The following GRIA3 variants were observed in gnomAD, a reference collection of about 807,000 sequenced individuals.
GRIA3 encodes the protein glutamate ionotropic receptor AMPA type subunit 3, also known as glutamate receptor 3.
A neutral mutation model predicts 63.0 loss-of-function variants in GRIA3; 3 were observed. That is an observed-to-expected ratio of 0.05 (90% CI 0.02 to 0.12). The LOEUF (loss-of-function observed/expected upper bound fraction) is 0.12. GRIA3 is among the 10% of genes least tolerant of loss of function. The probability of loss-of-function intolerance (pLI) is 1.00; values close to 1 mark genes in which losing one functional copy is unlikely to be tolerated. For synonymous variants in GRIA3, 274 were observed against 257.9 expected, an observed-to-expected ratio of 1.06 and a Z score of -0.60; for missense variants, 347 against 700.9, an observed-to-expected ratio of 0.50 and a Z score of 5.70.
At chrX:123,364,138 T>C (rs1377107663) in intron 5 of GRIA3, among the ~76,000 whole-genome samples, 1 of 112,465 alleles carries the variant, frequency 8.9e-6, no homozygotes, top group Non-Finnish European at 1.9e-5. Flanking sequence ...CAAAAATCAT[T>C]GAATTTGTAA....
At chrX:123,344,787 T>A (rs2045032975) in intron 4 of GRIA3, among the ~76,000 whole-genome samples, 1 of 111,716 alleles carries the variant, frequency 9.0e-6, no homozygotes, top group South Asian at 3.8e-4. Flanking sequence ...AGGGACCACC[T>A]CATAGACTCA....
chrX:123,448,876 C>T (rs1159187447), intron 12 of GRIA3, among the ~76,000 whole-genome samples: 1 of 112,015 alleles, frequency 8.9e-6, no homozygotes. Context: ...AAACTAAGTG[C>T]TTACTATGTT....
At chrX:123,373,850 T>C (rs2045266155) in intron 5 of GRIA3, among the ~76,000 whole-genome samples, 1 of 111,880 alleles carries the variant, frequency 8.9e-6, no homozygotes, top group East Asian at 2.8e-4. Context: ...GCAGAAACTC[T>C]TTAGTTTAAT....
At chrX:123,473,481 G>C (rs757005211) in intron 13 of GRIA3, among the ~76,000 whole-genome samples, 15 of 112,024 alleles carry the variant, frequency 1.3e-4, no homozygotes, top group Non-Finnish European at 2.6e-4. Flanking sequence ...CTGCCTGCCT[G>C]TACATGCCTG....
rs1449869625 is a variant in GRIA3 at position 123,490,132 on chromosome X, C to T, written c.*1422C>T. Reference sequence around the variant, plus strand: ...ATGCTTCCTGTAGTTCAGTAGTTTGCTCTCATCGATAACGTGCATTGGGAA... The same window carrying T: ...ATGCTTCCTGTAGTTCAGTAGTTTGTTCTCATCGATAACGTGCATTGGGAA... On this transcript the variant is annotated 3_prime_UTR_variant, in exon 16 of 16. Transcript: ENST00000620443. 8.9e-6 allele frequency: 1 copy of T among 112,575 alleles called. No individual in the cohort carries two copies. The highest frequency in any genetic ancestry group is 3.2e-5 in the African/African-American group (1 of 30,871). The allele number at this position is 112,575 out of a possible 1,213,427, so 9.3% of individuals were successfully genotyped here.
At chrX:123,283,705 TC>T (rs779262123) in intron 3 of GRIA3, among the ~76,000 whole-genome samples, 3 of 112,244 alleles carry the variant, frequency 2.7e-5, no homozygotes, top group Non-Finnish European at 3.8e-5. Context: ...AGATTCCCCT[TC>T]TCTGGGCAGG....
chrX:123,322,240 C>T (rs2044872952), intron 3 of GRIA3, among the ~76,000 whole-genome samples: 1 of 111,954 alleles, frequency 8.9e-6, no homozygotes, highest in African/African-American at 3.3e-5. Context: ...TTGCCACAAA[C>T]TGCATTATAT....
chrX:123,406,957 T>C (rs932420486), intron 10 of GRIA3, among the ~76,000 whole-genome samples: 4 of 111,903 alleles, frequency 3.6e-5, no homozygotes, highest in African/African-American at 1.3e-4. Flanking sequence ...CAAGAGGTCT[T>C]GTCTTGCTTA....
intron 3 of GRIA3, among the ~76,000 whole-genome samples, chrX:123,302,632 T>C (rs2044730663): frequency 9.0e-6 from 1 of 111,639 alleles, no homozygotes. Flanking sequence ...TGCAATTTAC[T>C]AATAAATATC....
chrX:123,221,687 C>G (rs2147265733), intron 2 of GRIA3, among the ~76,000 whole-genome samples: 1 of 111,243 alleles, frequency 9.0e-6, no homozygotes, highest in South Asian at 3.9e-4. Context: ...GCTGTTAACA[C>G]TTTTATCCTC....
chrX:123,213,885 T>A (rs745774453), intron 2 of GRIA3, among the ~76,000 whole-genome samples: 1 of 112,266 alleles, frequency 8.9e-6, no homozygotes, highest in African/African-American at 3.2e-5. Context: ...ATGAGTTAAC[T>A]CTTCCATCCC....
chrX:123,465,897 A>T, intron 13 of GRIA3: 1 of 626,876 alleles, frequency 1.6e-6, no homozygotes, highest in Non-Finnish European at 2.7e-6. Flanking sequence ...AAGTGGAATG[A>T]CCAGGTTATT....
chrX:123,355,532 G>T (rs1393756794), intron 5 of GRIA3, among the ~76,000 whole-genome samples: 1 of 112,166 alleles, frequency 8.9e-6, no homozygotes, highest in Non-Finnish European at 1.9e-5. Context: ...TTTCATTAAG[G>T]TTATTTTATA....
chrX:123,415,108 G>A (rs1297293761), intron 10 of GRIA3, among the ~76,000 whole-genome samples: 5 of 111,649 alleles, frequency 4.5e-5, no homozygotes, highest in Admixed American at 9.5e-5. Flanking sequence ...TTTAATGATC[G>A]CCATTCTAAC....
intron 2 of GRIA3, among the ~76,000 whole-genome samples, chrX:123,229,701 C>T: frequency 8.9e-6 from 1 of 111,998 alleles, no homozygotes. Flanking sequence ...TCCATAACTG[C>T]TGATTGGTTC....
intron 4 of GRIA3, among the ~76,000 whole-genome samples, chrX:123,347,307 T>C (rs1366417061): frequency 8.9e-6 from 1 of 112,123 alleles, no homozygotes; most frequent in African/African-American, 3.2e-5. Context: ...CTATCATTTG[T>C]CATCCATTTG....
At chrX:123,378,914 GT>G (rs374980564) in intron 5 of GRIA3, among the ~76,000 whole-genome samples, 12,374 of 109,269 alleles carry the variant, frequency 0.11, 579 homozygotes, top group Non-Finnish European at 0.14. Context: ...ATTCAGATTA[GT>G]TTTTTTTTAA....
At chrX:123,444,953 G>A (rs189239565) in intron 12 of GRIA3, among the ~76,000 whole-genome samples, 3 of 111,141 alleles carry the variant, frequency 2.7e-5, no homozygotes, top group East Asian at 5.7e-4. Context: ...CCGGGGTGGC[G>A]ATAGGAGAGT....
intron 14 of GRIA3, among the ~76,000 whole-genome samples, chrX:123,481,540 A>G (rs2045912840): frequency 8.9e-6 from 1 of 112,109 alleles, no homozygotes; most frequent in Non-Finnish European, 1.9e-5. Context: ...CAGCTGAACT[A>G]GAGTGTTAAG....
Sources: allele counts gnomAD v4.1 joint callset (sites outside exome capture counted in the v4.1 genomes callset), GRCh38; gene constraint gnomAD v4.1.1; transcripts MANE v1.5; gene names NCBI Gene and HGNC (gene_info 2026-07-23, HGNC 2026-07-21).